The following KIF17 variants were observed in gnomAD, a reference collection of about 807,000 sequenced individuals.
KIF17 encodes the protein kinesin-like protein KIF17.
In KIF17, 80 loss-of-function variants were observed where a neutral mutation model predicts 96.8. That is an observed-to-expected ratio of 0.83 (90% CI 0.69 to 1.00). The LOEUF is 1.00. Ranked by LOEUF, KIF17 falls within the 50% of genes least tolerant of loss-of-function variation. KIF17 has a pLI of 0.00. For missense variants in KIF17, 1,280 were observed against 1,372.9 expected (o/e 0.93, Z 1.07); for synonymous variants, 567 against 587.5 (o/e 0.97, Z 0.51).
chr1:20,683,153 G>A (rs770597906), intron 10 of KIF17, among the ~76,000 whole-genome samples: 7 of 152,212 alleles, frequency 4.6e-5, no homozygotes, highest in Non-Finnish European at 8.8e-5. Flanking sequence ...CCCCTGACCC[G>A]TGGACTTCCC....
chr1:20,717,766 G>A lies in KIF17; in HGVS notation c.-60C>T, dbSNP rs1570494274. 5 of 1,481,700 alleles carry A rather than the reference G, an allele frequency of 3.4e-6. No homozygotes were observed. Among genetic ancestry groups the A allele is most frequent in the East Asian group, 2.8e-5 (1 of 35,768 alleles). The allele number at this position is 1,481,700 out of a possible 1,614,324, so 91.8% of individuals were successfully genotyped here. ...ACCCCCGCCCCGCCGGGGACTCCCA[G>A]CAGCCCGGGCCAAGGGGCGGGGCCA... On this transcript the variant is annotated 5_prime_UTR_variant, in exon 1 of 15. Coordinates refer to ENST00000400463, the MANE Select transcript of KIF17 (RefSeq NM_001122819.3).
chr1:20,709,873 G>A lies in KIF17; in HGVS notation c.481-45C>T. 2 of 1,546,318 alleles carry A rather than the reference G, an allele frequency of 1.3e-6. No individual in the cohort carries two copies. The highest frequency in any genetic ancestry group is 1.8e-6 in the Non-Finnish European group (2 of 1,138,940). ...CAGGGGCGGAACCTCCAGCCGCCAA[G>A]GGTTAGGACCAGGGATGGTCAAGGA... On this transcript the variant is annotated intron_variant, in intron 3 of 14. Transcript: ENST00000400463. This position sits in a 1 kb window ranked among gnomAD's most constrained non-coding sequence, Gnocchi z 4.7.
Position 20,717,951 on chromosome 1 carries a change from GC to G in KIF17, c.-246del. 1 of 167,468 alleles carries G rather than the reference GC, an allele frequency of 6.0e-6. No individual in the cohort carries two copies. Among genetic ancestry groups the G allele is most frequent in the Middle Eastern group, 2.7e-3 (1 of 368 alleles). 10.4% of individuals were successfully genotyped at this position (167,468 alleles called of 1,614,324 possible). Reference sequence around the variant, plus strand: ...CGGGCTCGCCCGTTTCTGAGGCCCGGCCCGAGCGGGGACGTGGGGGATCCGC... The same window carrying G: ...CGGGCTCGCCCGTTTCTGAGGCCCGGCCGAGCGGGGACGTGGGGGATCCGC... On this transcript the variant is annotated 5_prime_UTR_variant, in exon 1 of 15. Coordinates refer to ENST00000400463, the MANE Select transcript of KIF17 (RefSeq NM_001122819.3).
chr1:20,715,841 T>C (rs1222044786), intron 1 of KIF17, among the ~76,000 whole-genome samples: 2 of 152,240 alleles, frequency 1.3e-5, no homozygotes, highest in African/African-American at 4.8e-5. Context: ...TGTGTGTGGA[T>C]GGGGAAGAGC....
In KIF17 at chr1:20,682,879, T is replaced by G; in HGVS notation, c.2237A>C (p.Gln746Pro). The change falls in exon 11 of 15, where the codon CAG (glutamine) becomes CCG (proline). Residue 746 changes from glutamine to proline, a missense_variant. Transcript: ENST00000400463. ...VDQQQVLARLQLLEQQVVGGE... is the reference protein window; with the variant it reads ...VDQQQVLARLPLLEQQVVGGE... Reference sequence around the variant, plus strand: ...ACCCACAACCTGCTGCTCCAACAGCTGCAGACTGCCGGCGTGGAGGAGAAA... The same window carrying G: ...ACCCACAACCTGCTGCTCCAACAGCGGCAGACTGCCGGCGTGGAGGAGAAA... 1 of 1,609,794 alleles carries G rather than the reference T, an allele frequency of 6.2e-7. No individual in the cohort carries two copies. Among genetic ancestry groups the G allele is most frequent in the Non-Finnish European group, 8.5e-7 (1 of 1,179,310 alleles).
chr1:20,709,922 G>T lies in KIF17; in HGVS notation c.481-94C>A. 3 of 1,194,316 alleles carry T rather than the reference G, an allele frequency of 2.5e-6. No homozygotes were observed. Among genetic ancestry groups the T allele is most frequent in the South Asian group, 2.6e-5 (2 of 76,838 alleles). The allele number at this position is 1,194,316 out of a possible 1,614,324, so 74.0% of individuals were successfully genotyped here. ...GAACCAGAGAGAAGGGCCCCATCCA[G>T]ACCGCCCTCGCCCTCCTGTAATGCA... On this transcript the variant is annotated intron_variant, in intron 3 of 14. Coordinates refer to ENST00000400463, the MANE Select transcript of KIF17 (RefSeq NM_001122819.3). This position sits in a 1 kb window ranked among gnomAD's most constrained non-coding sequence, Gnocchi z 4.7.
intron 6 of KIF17, among the ~76,000 whole-genome samples, chr1:20,697,512 TG>T (rs1407548599): frequency 6.6e-6 from 1 of 152,014 alleles, no homozygotes; most frequent in Non-Finnish European, 1.5e-5. Flanking sequence ...GAAGCTGAGG[TG>T]GGAGGAGCAC....
chr1:20,698,490 TG>T lies in KIF17; in HGVS notation c.1124-3del. The T allele has an allele frequency of 1.2e-6, 2 of 1,608,610 alleles. No homozygotes were observed. Among genetic ancestry groups the T allele is most frequent in the Non-Finnish European group, 8.5e-7 (1 of 1,176,480 alleles). On this transcript the variant is annotated splice_region_variant and splice_polypyrimidine_tract_variant and intron_variant, in intron 5 of 14. Transcript: ENST00000400463. ...GGGGCACCTGCCTGGACAGCAGGGC[TG>T]GGGGAGAAACAGAAATTAGCAGCCA... is the stretch of plus-strand genomic sequence containing the variant.
chr1:20,671,827 G>A (rs1014228509), intron 12 of KIF17, 111 bp downstream of exon 12: 163 of 1,326,270 alleles, frequency 1.2e-4, no homozygotes, highest in Admixed American at 8.6e-4. Context: ...CCAGGGTCAC[G>A]TGTCTTCTAC....
In KIF17 at chr1:20,717,910, C is replaced by G; in HGVS notation, c.-204G>C. On this transcript the variant is annotated 5_prime_UTR_variant, in exon 1 of 15. Coordinates refer to ENST00000400463, the MANE Select transcript of KIF17 (RefSeq NM_001122819.3). ...GTCGCAGGACCCGAGCCGGGGCCGC[C>G]GCTTCCTCCCGCGCCCGGGCTCGCC... 1 of 216,776 alleles carries G rather than the reference C, an allele frequency of 4.6e-6. No homozygotes were observed. Among genetic ancestry groups the G allele is most frequent in the Non-Finnish European group, 8.3e-6 (1 of 119,832 alleles). 13.4% of individuals were successfully genotyped at this position (216,776 alleles called of 1,614,324 possible).
intron 3 of KIF17, among the ~76,000 whole-genome samples, chr1:20,711,394 C>A (rs1454809217): frequency 2.0e-5 from 3 of 152,268 alleles, no homozygotes; most frequent in Non-Finnish European, 4.4e-5. Context: ...ACCCCCGACG[C>A]CTGGGGAGGC....
chr1:20,707,769 A>C (rs1486742709), intron 4 of KIF17, among the ~76,000 whole-genome samples: 2 of 141,092 alleles, frequency 1.4e-5, no homozygotes, highest in Admixed American at 1.5e-4. Flanking sequence ...TCTCAAAAAA[A>C]AAAACAAACC....
intron 4 of KIF17, among the ~76,000 whole-genome samples, chr1:20,705,893 C>A (rs1395933858): frequency 7.5e-5 from 4 of 53,566 alleles, no homozygotes; most frequent in Admixed American, 4.7e-4. Context: ...TAGGATGTCT[C>A]TTTTTTTTTT....
In KIF17 at chr1:20,700,322, C is replaced by T. The variant is rs977920686; in HGVS notation, c.1124-1834G>A. On this transcript the variant is annotated intron_variant, in intron 5 of 14. Transcript: ENST00000400463. The surrounding 1 kb of genome is among the most constrained non-coding windows in gnomAD (Gnocchi z 4.6). ...CTGACCTCAAGTGATCTGCCCACCTCGGCCTCCCAAAGTACTAGGATTACA... is the reference window on the plus strand; with the variant it reads ...CTGACCTCAAGTGATCTGCCCACCTTGGCCTCCCAAAGTACTAGGATTACA... 4.6e-5 allele frequency among the ~76,000 whole-genome samples: 7 copies of T among 152,320 alleles called. No individual in the cohort carries two copies. Among genetic ancestry groups the T allele is most frequent in the African/African-American group, 1.7e-4 (7 of 41,576 alleles).
chr1:20,703,588 T>C (rs947661708), intron 5 of KIF17, among the ~76,000 whole-genome samples: 1 of 144,666 alleles, frequency 6.9e-6, no homozygotes, highest in African/African-American at 2.6e-5. Context: ...GGATAAGTAA[T>C]GGGGTGGGTG....
chr1:20,712,945 T>TATA (rs1171004450), intron 3 of KIF17, among the ~76,000 whole-genome samples: 19 of 131,616 alleles, frequency 1.4e-4, no homozygotes, highest in Non-Finnish European at 2.4e-4. Context: ...TAATATTATC[T>TATA]ATATTATCTA....
intron 13 of KIF17, among the ~76,000 whole-genome samples, chr1:20,668,473 A>G (rs1347114024): frequency 6.6e-6 from 1 of 152,194 alleles, no homozygotes; most frequent in Non-Finnish European, 1.5e-5. Flanking sequence ...GCATTCTGAC[A>G]TAACCTCTTT....
At chr1:20,696,948 G>T (rs1250026610) in intron 6 of KIF17, among the ~76,000 whole-genome samples, 2 of 152,206 alleles carry the variant, frequency 1.3e-5, no homozygotes, top group Non-Finnish European at 1.5e-5. Context: ...AGGGAGAAAG[G>T]CAGTGCCCGC....
chr1:20,707,549 T>C (rs2054362356), intron 4 of KIF17, among the ~76,000 whole-genome samples: 1 of 151,968 alleles, frequency 6.6e-6, no homozygotes. Flanking sequence ...CTGAGGTGGA[T>C]TGCTTGAATC....
Sources: gnomAD v4.1 joint callset for allele counts (sites outside exome capture counted in the v4.1 genomes callset) on GRCh38, gnomAD v4.1.1 for gene constraint, Gnocchi (gnomAD v3.1) non-coding constraint, MANE v1.5 for transcripts, NCBI Gene and HGNC (gene_info 2026-07-23, HGNC 2026-07-21) for gene names.